Variants in LHFPL3 observed in about 807,000 individuals in gnomAD.
LHFPL3 encodes the protein LHFPL tetraspan subfamily member 3 protein.
Under a neutral mutation model 19.3 loss-of-function variants are expected in LHFPL3, and 5 were observed. That is an observed-to-expected ratio of 0.26 (90% confidence interval 0.14 to 0.54). LHFPL3 has a LOEUF of 0.54. Among genes scored for constraint, LHFPL3 ranks in the 20% least tolerant of loss-of-function variants. The pLI is 0.94. For missense variants in LHFPL3, 249 were observed against 307.4 expected (o/e 0.81, Z 1.42); for synonymous variants, 133 against 126.2 (o/e 1.05, Z -0.36).
At chr7:104,569,533 T>C (rs1790187217) in intron 1 of LHFPL3, among the ~76,000 whole-genome samples, 2 of 152,214 alleles carry the variant, frequency 1.3e-5, no homozygotes, top group Admixed American at 6.5e-5. Flanking sequence ...AATACGATGT[T>C]ATGGGACACA....
chr7:104,546,753 ACTGGAGACCTGGGTTGAAATC>A (rs896443479), intron 1 of LHFPL3, among the ~76,000 whole-genome samples: 2 of 152,146 alleles, frequency 1.3e-5, no homozygotes, highest in African/African-American at 4.8e-5. Context: ...TTCCTTTGTC[ACTGGAGACCTGGGTTGAAATC>A]CTGGAGACCT....
At chr7:104,887,500 T>C (rs1792171641) in intron 2 of LHFPL3, among the ~76,000 whole-genome samples, 1 of 152,192 alleles carries the variant, frequency 6.6e-6, no homozygotes, top group Non-Finnish European at 1.5e-5. Context: ...ATAAATCAAT[T>C]CTCATCAGTC....
chr7:104,358,175 C>T (rs1464066668), intron 1 of LHFPL3, among the ~76,000 whole-genome samples: 1 of 152,132 alleles, frequency 6.6e-6, no homozygotes, highest in East Asian at 1.9e-4. Flanking sequence ...AGACTGACTG[C>T]TGAGTGCGTA....
intron 2 of LHFPL3, among the ~76,000 whole-genome samples, chr7:104,856,964 A>G (rs1368681518): frequency 6.6e-6 from 1 of 152,238 alleles, no homozygotes; most frequent in Non-Finnish European, 1.5e-5. Context: ...TGAGAGGCTT[A>G]GCAAAAAAGG....
At chr7:104,467,277 A>G (rs953876639) in intron 1 of LHFPL3, among the ~76,000 whole-genome samples, 1 of 152,318 alleles carries the variant, frequency 6.6e-6, no homozygotes, top group Non-Finnish European at 1.5e-5. Context: ...AGAAGACAGT[A>G]GGCAGTCTGG....
intron 2 of LHFPL3, among the ~76,000 whole-genome samples, chr7:104,818,616 A>G (rs1790613682): frequency 6.6e-6 from 1 of 152,182 alleles, no homozygotes; most frequent in African/African-American, 2.4e-5. Flanking sequence ...TATGGACTCA[A>G]GTTTATAAGT....
Position 104,632,742 on chromosome 7 carries a change from G to A in LHFPL3, c.446-103933G>A, listed in dbSNP as rs139156099. Among the ~76,000 whole-genome samples the A allele has an allele frequency of 1.4e-3, 206 of 152,316 alleles. 1 individual carries two copies. Among genetic ancestry groups the A allele is most frequent in the African/African-American group, 4.3e-3 (180 of 41,580 alleles). Reference sequence around the variant, plus strand: ...AAGATTTGCAGCTTCAACTTCCCAAGCTCAGGTGATCCTCCCACCTCAGCC... The same window carrying A: ...AAGATTTGCAGCTTCAACTTCCCAAACTCAGGTGATCCTCCCACCTCAGCC... On this transcript the variant is annotated intron_variant, in intron 1 of 2. Coordinates refer to ENST00000424859, the MANE Select transcript of LHFPL3 (RefSeq NM_199000.3).
At chr7:104,763,006 A>G (rs2116376399) in intron 2 of LHFPL3, among the ~76,000 whole-genome samples, 1 of 152,352 alleles carries the variant, frequency 6.6e-6, no homozygotes, top group Non-Finnish European at 1.5e-5. Context: ...GACAAAAAGG[A>G]CAGGGCACCA....
intron 2 of LHFPL3, among the ~76,000 whole-genome samples, chr7:104,834,089 C>G (rs1387829280): frequency 6.6e-6 from 1 of 150,798 alleles, no homozygotes; most frequent in African/African-American, 2.5e-5. Context: ...CACCTTTTCA[C>G]GTTTTTCTGC....
chr7:104,430,440 A>G (rs1362745463), intron 1 of LHFPL3, among the ~76,000 whole-genome samples: 15 of 15,174 alleles, frequency 9.9e-4, no homozygotes, highest in African/African-American at 2.5e-3. Flanking sequence ...ATATATATAT[A>G]TATATATATA....
intron 1 of LHFPL3, among the ~76,000 whole-genome samples, chr7:104,517,230 AAC>A (rs549409896): frequency 1.3e-3 from 197 of 152,190 alleles, no homozygotes; most frequent in African/African-American, 4.5e-3. Context: ...TAATCTGTAC[AAC>A]AAACCCCCAT....
At chr7:104,625,096 T>A (rs1791517969) in intron 1 of LHFPL3, among the ~76,000 whole-genome samples, 1 of 152,210 alleles carries the variant, frequency 6.6e-6, no homozygotes, top group African/African-American at 2.4e-5. Context: ...TTCTAATTTA[T>A]CAAAACATCT....
chr7:104,404,159 C>T (rs755843506), intron 1 of LHFPL3, among the ~76,000 whole-genome samples: 3 of 152,090 alleles, frequency 2.0e-5, no homozygotes, highest in African/African-American at 4.8e-5. Flanking sequence ...AGAGTACTAC[C>T]GTGCTGTAGA....
At chr7:104,666,632 C>T (rs553476331) in intron 1 of LHFPL3, among the ~76,000 whole-genome samples, 138 of 144,118 alleles carry the variant, frequency 9.6e-4, no homozygotes, top group Non-Finnish European at 1.6e-3. Context: ...CGCCATTCTC[C>T]TGCCTCAGCC....
intron 1 of LHFPL3, among the ~76,000 whole-genome samples, chr7:104,350,283 T>C (rs1790147889): frequency 6.6e-6 from 1 of 152,282 alleles, no homozygotes; most frequent in Admixed American, 6.5e-5. Flanking sequence ...GTATTGGGAG[T>C]GTAGAACAGA....
chr7:104,559,054 C>T (rs1205554715), intron 1 of LHFPL3, among the ~76,000 whole-genome samples: 6 of 147,408 alleles, frequency 4.1e-5, no homozygotes, highest in Admixed American at 1.3e-4. Context: ...TGTTTTGGTA[C>T]CAGTACCATG....
chr7:104,683,738 C>T (rs1191389964), intron 1 of LHFPL3, among the ~76,000 whole-genome samples: 2 of 152,158 alleles, frequency 1.3e-5, no homozygotes, highest in Non-Finnish European at 2.9e-5. Flanking sequence ...AATAGTATCA[C>T]CAATTTACAA....
intron 2 of LHFPL3, among the ~76,000 whole-genome samples, chr7:104,865,237 C>T (rs766956558): frequency 7.9e-5 from 12 of 152,094 alleles, no homozygotes; most frequent in Non-Finnish European, 1.5e-4. Flanking sequence ...ATGACTTTGA[C>T]GAGTTGAGAG....
At chr7:104,678,502 A>AT (rs1392139011) in intron 1 of LHFPL3, among the ~76,000 whole-genome samples, 3 of 151,798 alleles carry the variant, frequency 2.0e-5, no homozygotes, top group South Asian at 2.1e-4. Context: ...TTTAAAAGCT[A>AT]TTTTTTTTCC....
Sources: gnomAD v4.1 joint callset for allele counts (sites outside exome capture counted in the v4.1 genomes callset) on GRCh38, gnomAD v4.1.1 for gene constraint, MANE v1.5 for transcripts, NCBI Gene and HGNC (gene_info 2026-07-23, HGNC 2026-07-21) for gene names.